The following WHRN variants were observed in gnomAD, a reference collection of about 807,000 sequenced individuals.
The protein encoded by WHRN is whirlin.
Under a neutral mutation model 68.3 loss-of-function variants are expected in WHRN, and 41 were observed. The observed-to-expected ratio is 0.60, with a 90% CI of 0.47 to 0.78. The LOEUF is 0.78. Among genes scored for constraint, WHRN ranks in the 30% least tolerant of loss-of-function variants. The pLI is 0.00. For missense variants in WHRN, 1,243 were observed against 1,244.7 expected (o/e 1.00, Z 0.02); for synonymous variants, 560 against 561.3 (o/e 1.00, Z 0.03).
intron 2 of WHRN, among the ~76,000 whole-genome samples, chr9:114,466,756 C>CG (rs1229300959): frequency 6.6e-6 from 1 of 152,118 alleles, no homozygotes; most frequent in Non-Finnish European, 1.5e-5. Context: ...AGGCTTCAGT[C>CG]GGGGGGTGAC....
chr9:114,408,195 G>A (rs1835178364), intron 7 of WHRN, among the ~76,000 whole-genome samples, 177 bp from the exon 8 acceptor site: 1 of 152,180 alleles, frequency 6.6e-6, no homozygotes, highest in Non-Finnish European at 1.5e-5. Flanking sequence ...AGGTCAATTT[G>A]CCTGCTGGTC....
chr9:114,407,799 T>C, intron 8 of WHRN, 148 bp downstream of exon 8: 1 of 706,370 alleles, frequency 1.4e-6, no homozygotes, highest in Non-Finnish European at 2.5e-6. Context: ...TGCACAGACC[T>C]GTAGCTGGGT....
chr9:114,405,746 C>T (rs951082103), intron 9 of WHRN, among the ~76,000 whole-genome samples: 5 of 152,204 alleles, frequency 3.3e-5, no homozygotes, highest in Non-Finnish European at 5.9e-5. Context: ...TCACTGTAGC[C>T]GCAAGATGGC....
At chr9:114,425,618 C>CACACAA (rs1554719377) in intron 4 of WHRN, 3 of 250,120 alleles carry the variant, frequency 1.2e-5, no homozygotes, top group Non-Finnish European at 2.3e-5. Flanking sequence ...CACACACACA[C>CACACAA]ACACACACAC....
chr9:114,414,170 A>G (rs1015364620), intron 7 of WHRN, among the ~76,000 whole-genome samples: 2 of 152,172 alleles, frequency 1.3e-5, no homozygotes, highest in Non-Finnish European at 2.9e-5. Context: ...GGTCATGGTC[A>G]CCCACAGAGA....
intron 3 of WHRN, among the ~76,000 whole-genome samples, chr9:114,460,216 G>T (rs1411568953): frequency 6.6e-6 from 1 of 152,176 alleles, no homozygotes; most frequent in Non-Finnish European, 1.5e-5. Context: ...GGGGTGCTAG[G>T]AAGGTGGCAG....
chr9:114,455,076 A>G (rs1332140990), intron 3 of WHRN, among the ~76,000 whole-genome samples: 1 of 152,254 alleles, frequency 6.6e-6, no homozygotes, highest in Non-Finnish European at 1.5e-5. Flanking sequence ...ACTAAAATGT[A>G]AAATGCAAAA....
At position 114,486,941 on chromosome 9, in the gene WHRN, T is replaced by TTGTG. The variant is rs1347597157; in HGVS notation, c.619-8174_619-8171dup. On this transcript the variant is annotated intron_variant, in intron 1 of 11. Coordinates refer to ENST00000362057, the MANE Select transcript of WHRN (RefSeq NM_015404.4). ...TGTGTGTGTAGAGTGTGTGTGTGTG[T>TTGTG]TGTGTGTGTGTGTGTGTGTATATAT... 6.3e-3 allele frequency among the ~76,000 whole-genome samples: 34 copies of TTGTG among 5,410 alleles called. 2 individuals carry two copies. The highest frequency in any genetic ancestry group is 8.2e-3 in the African/African-American group (33 of 4,012). 3.5% of individuals were successfully genotyped at this position (5,410 alleles called of 152,430 possible). A position where few individuals can be genotyped will look rare whatever the true frequency, so the allele number is the denominator to read the frequency against.
intron 1 of WHRN, among the ~76,000 whole-genome samples, chr9:114,490,294 G>C (rs533708615): frequency 1.4e-4 from 21 of 152,330 alleles, no homozygotes; most frequent in African/African-American, 4.8e-4. Flanking sequence ...CAGGTGATTC[G>C]ACAATTGAGG....
intron 1 of WHRN, among the ~76,000 whole-genome samples, chr9:114,494,077 T>G (rs1843242651): frequency 6.6e-6 from 1 of 152,206 alleles, no homozygotes; most frequent in South Asian, 2.1e-4. Flanking sequence ...TCACCTCCTC[T>G]TCCAATTCTC....
chr9:114,434,644 C>T (rs940954050), intron 3 of WHRN, among the ~76,000 whole-genome samples: 1 of 152,188 alleles, frequency 6.6e-6, no homozygotes, highest in Admixed American at 6.5e-5. Context: ...CAAAAGGACC[C>T]TCCATCTTCA....
rs762072745 is a variant in WHRN at position 114,472,428 on chromosome 9, G to A, written c.838-6036C>T. 5.9e-5 allele frequency among the ~76,000 whole-genome samples: 9 copies of A among 152,170 alleles called. No homozygotes were observed. The South Asian group carries it at 6.2e-4, about 11-fold the overall frequency. On this transcript the variant is annotated intron_variant, in intron 2 of 11. Transcript: ENST00000362057. ...CTGGAGCACTCTGCCCAGATAGGAC[G>A]GATCCGTGTATGATCATTTCCTTGT...
At chr9:114,480,991 A>G (rs1235328539) in intron 1 of WHRN, among the ~76,000 whole-genome samples, 3 of 152,194 alleles carry the variant, frequency 2.0e-5, no homozygotes, top group Non-Finnish European at 4.4e-5. Flanking sequence ...ATGTTCCACA[A>G]TGAGGTCACA....
intron 3 of WHRN, among the ~76,000 whole-genome samples, chr9:114,453,679 T>A (rs1839529239): frequency 1.3e-5 from 2 of 152,254 alleles, no homozygotes; most frequent in Non-Finnish European, 1.5e-5. Context: ...CGCAAACTAC[T>A]AACACTCAAG....
chr9:114,430,593 T>C (rs1162265426), intron 3 of WHRN, among the ~76,000 whole-genome samples: 1 of 152,134 alleles, frequency 6.6e-6, no homozygotes, highest in Non-Finnish European at 1.5e-5. Context: ...TTACCCAGCA[T>C]CCCACTTACT....
At chr9:114,493,939 G>A (rs1010195586) in intron 1 of WHRN, among the ~76,000 whole-genome samples, 2 of 152,212 alleles carry the variant, frequency 1.3e-5, no homozygotes, top group African/African-American at 4.8e-5. Context: ...TGTATGCCGT[G>A]CTTCTCCGTT....
chr9:114,454,910 A>G (rs1839645694), intron 3 of WHRN, among the ~76,000 whole-genome samples: 1 of 152,196 alleles, frequency 6.6e-6, no homozygotes, highest in Non-Finnish European at 1.5e-5. Context: ...AACCCACACA[A>G]ATATACCCAA....
intron 3 of WHRN, among the ~76,000 whole-genome samples, chr9:114,429,169 G>A (rs570373355): frequency 2.0e-5 from 3 of 152,324 alleles, no homozygotes; most frequent in East Asian, 1.9e-4. Context: ...GAGCTCAGGC[G>A]ATCCACGCGG....
intron 1 of WHRN, among the ~76,000 whole-genome samples, chr9:114,497,524 AAAAG>A (rs1156353364): frequency 2.0e-5 from 3 of 151,806 alleles, no homozygotes; most frequent in Non-Finnish European, 2.9e-5. Context: ...TTTAAAAAAA[AAAAG>A]AAAAGGAAAA....
Sources: allele counts gnomAD v4.1 joint callset (sites outside exome capture counted in the v4.1 genomes callset), GRCh38; gene constraint gnomAD v4.1.1; transcripts MANE v1.5; gene names NCBI Gene and HGNC (gene_info 2026-07-23, HGNC 2026-07-21).